Variants in MYO5B observed in about 807,000 individuals in gnomAD.
MYO5B encodes the protein unconventional myosin-Vb.
MYO5B carries 143 observed loss-of-function variants against 229.3 expected under a neutral mutation model. The ratio of observed to expected loss-of-function variants is 0.62; its 90% CI spans 0.54 to 0.72. The LOEUF is 0.72. Among genes scored for constraint, MYO5B ranks in the 30% least tolerant of loss-of-function variants. The pLI, the probability that MYO5B is intolerant of heterozygous loss-of-function variation, is 0.00. For missense variants in MYO5B, 2,321 were observed against 2,331.0 expected (o/e 1.00, Z 0.09); for synonymous variants, 918 against 885.2 (o/e 1.04, Z -0.66).
rs572967673 is a variant in MYO5B at position 50,164,144 on chromosome 18, C to T, written c.27+30623G>A. On this transcript the variant is annotated intron_variant, in intron 1 of 39. Coordinates refer to ENST00000285039, the MANE Select transcript of MYO5B (RefSeq NM_001080467.3). Reference sequence around the variant, plus strand: ...GCAGGAGTCAAAGACTACAGAAGCTCCCCACACGAACCTCTTAACTTACAT... The same window carrying T: ...GCAGGAGTCAAAGACTACAGAAGCTTCCCACACGAACCTCTTAACTTACAT... 5.9e-5 allele frequency among the ~76,000 whole-genome samples: 9 copies of T among 152,278 alleles called. No homozygotes were observed. In the East Asian group the frequency reaches 1.7e-3, roughly 29 times the overall value.
Position 50,061,265 on chromosome 18 carries a change from C to G in MYO5B, c.28-5887G>C, listed in dbSNP as rs2030679733. Among the ~76,000 whole-genome samples, 3 of 152,138 alleles carry G rather than the reference C, an allele frequency of 2.0e-5. 1 individual carries two copies. In the South Asian group the frequency reaches 6.2e-4, roughly 32 times the overall value. On this transcript the variant is annotated intron_variant, in intron 1 of 39. Coordinates refer to ENST00000285039, the MANE Select transcript of MYO5B (RefSeq NM_001080467.3). ...TGGGTCTGAGCCCCAGTTTCCTTAG[C>G]TGAACAACAGGTAAAAGTTCTACCT...
chr18:49,958,915 T>G lies in MYO5B; in HGVS notation c.1545+3351A>C, dbSNP rs1358640102. 2.6e-5 allele frequency among the ~76,000 whole-genome samples: 4 copies of G among 152,160 alleles called. No individual in the cohort carries two copies. In the East Asian group the frequency reaches 7.7e-4, roughly 29 times the overall value. ...CTTGCACACAGTCTGGGAGACCTGCTGATCTGATCATTCACATCTGAACCC... is the reference window on the plus strand; with the variant it reads ...CTTGCACACAGTCTGGGAGACCTGCGGATCTGATCATTCACATCTGAACCC... On this transcript the variant is annotated intron_variant, in intron 12 of 39. Transcript: ENST00000285039.
intron 1 of MYO5B, among the ~76,000 whole-genome samples, chr18:50,153,498 T>C (rs777797610): frequency 3.1e-4 from 47 of 152,316 alleles, no homozygotes; most frequent in Middle Eastern, 3.4e-3. Context: ...GTCACCAGGC[T>C]GGAGTGCAGT....
chr18:49,962,545 T>C (rs1418782498), intron 11 of MYO5B, 139 bp from the exon 12 acceptor site: 2 of 1,231,966 alleles, frequency 1.6e-6, no homozygotes, highest in Non-Finnish European at 2.3e-6. Context: ...GTCATAGTTA[T>C]GACTGCAGAA....
chr18:49,879,528 G>T, intron 23 of MYO5B: 1 of 234,580 alleles, frequency 4.3e-6, no homozygotes, highest in Non-Finnish European at 8.4e-6. Context: ...GAGAAGGATG[G>T]GCTACTTCCC....
At chr18:50,110,659 G>T (rs1257775465) in intron 1 of MYO5B, among the ~76,000 whole-genome samples, 7 of 152,160 alleles carry the variant, frequency 4.6e-5, no homozygotes, top group African/African-American at 1.4e-4. Context: ...AATGCAGAAT[G>T]TTGAAGTATA....
chr18:49,887,539 G>A (rs1427891313), intron 22 of MYO5B, among the ~76,000 whole-genome samples: 1 of 152,094 alleles, frequency 6.6e-6, no homozygotes, highest in East Asian at 1.9e-4. Flanking sequence ...GCCATGTGAT[G>A]CCTGCTCCCC....
At chr18:49,859,553 G>T (rs1240993675) in intron 29 of MYO5B, among the ~76,000 whole-genome samples, 1 of 152,102 alleles carries the variant, frequency 6.6e-6, no homozygotes, top group African/African-American at 2.4e-5. Context: ...ATATTCCCTG[G>T]GACCTCTGGG....
chr18:49,890,164 G>A (rs1433475286), intron 22 of MYO5B, among the ~76,000 whole-genome samples: 3 of 152,202 alleles, frequency 2.0e-5, no homozygotes, highest in African/African-American at 4.8e-5. Context: ...GCCAACCCCA[G>A]TCTTCCCAGC....
Position 49,870,379 on chromosome 18 carries a change from T to G in MYO5B, c.3603+1788A>C, listed in dbSNP as rs149434962. 5.1e-3 allele frequency among the ~76,000 whole-genome samples: 770 copies of G among 152,304 alleles called. 1 individual carries two copies. Among genetic ancestry groups the G allele is most frequent in the Non-Finnish European group, 8.5e-3 (576 of 68,026 alleles). Reference sequence around the variant, plus strand: ...GGGCAAAAGCCTTATGACATCAGATTTGATGATTTCTTAAACATGACACCA... The same window carrying G: ...GGGCAAAAGCCTTATGACATCAGATGTGATGATTTCTTAAACATGACACCA... On this transcript the variant is annotated intron_variant, in intron 27 of 39. Coordinates refer to ENST00000285039, the MANE Select transcript of MYO5B (RefSeq NM_001080467.3).
intron 12 of MYO5B, among the ~76,000 whole-genome samples, chr18:49,960,255 A>T (rs2025543642): frequency 6.6e-6 from 1 of 152,200 alleles, no homozygotes; most frequent in African/African-American, 2.4e-5. Context: ...GGGGTCACAG[A>T]ACTCAACTGT....
intron 1 of MYO5B, among the ~76,000 whole-genome samples, chr18:50,101,334 G>T (rs12455803): frequency 6.6e-6 from 1 of 152,216 alleles, no homozygotes; most frequent in Non-Finnish European, 1.5e-5. Context: ...GGGGTACTTA[G>T]TGAGGCACCA....
chr18:49,932,135 C>T (rs893747182), intron 16 of MYO5B, among the ~76,000 whole-genome samples: 1 of 152,152 alleles, frequency 6.6e-6, no homozygotes, highest in African/African-American at 2.4e-5. Flanking sequence ...CCCGTCATTC[C>T]TTAAAAGTAC....
chr18:50,189,832 T>C (rs1365481423), intron 1 of MYO5B, among the ~76,000 whole-genome samples: 1 of 152,094 alleles, frequency 6.6e-6, no homozygotes, highest in Non-Finnish European at 1.5e-5. Flanking sequence ...ACCTGAGGTA[T>C]AGGTAAGGGA....
intron 1 of MYO5B, among the ~76,000 whole-genome samples, chr18:50,095,474 T>C (rs576793758): frequency 6.6e-6 from 1 of 152,302 alleles, no homozygotes; most frequent in Admixed American, 6.5e-5. Context: ...GGTACTTGCT[T>C]AAATCATGAA....
At chr18:50,096,486 A>G (rs2031553559) in intron 1 of MYO5B, among the ~76,000 whole-genome samples, 1 of 151,928 alleles carries the variant, frequency 6.6e-6, no homozygotes, top group African/African-American at 2.4e-5. Context: ...TCTTTCTAAA[A>G]CTTAGGTCTG....
chr18:50,073,389 C>CTCCT (rs1339495813), intron 1 of MYO5B, among the ~76,000 whole-genome samples: 1 of 152,146 alleles, frequency 6.6e-6, no homozygotes, highest in Non-Finnish European at 1.5e-5. Context: ...AGGACAAGCC[C>CTCCT]TCCTCTACAT....
intron 1 of MYO5B, among the ~76,000 whole-genome samples, chr18:50,174,667 C>T (rs1555666541): frequency 1.3e-5 from 2 of 152,136 alleles, no homozygotes; most frequent in South Asian, 2.1e-4. Flanking sequence ...AGCCAGCCAT[C>T]GTGAGTTCCT....
At chr18:50,101,999 T>C (rs563950525) in intron 1 of MYO5B, among the ~76,000 whole-genome samples, 3 of 152,272 alleles carry the variant, frequency 2.0e-5, no homozygotes, top group African/African-American at 7.2e-5. Flanking sequence ...CCATTGATGA[T>C]AGACTGGATT....
Sources: allele counts gnomAD v4.1 joint callset (sites outside exome capture counted in the v4.1 genomes callset), GRCh38; gene constraint gnomAD v4.1.1; transcripts MANE v1.5; gene names NCBI Gene and HGNC (gene_info 2026-07-23, HGNC 2026-07-21).